CTNNA3: variants seen among roughly 807,000 people sequenced by gnomAD.
CTNNA3 encodes catenin alpha 3, also known as catenin alpha-3.
In CTNNA3, 76 loss-of-function variants were observed where a neutral mutation model predicts 95.7. The ratio of observed to expected loss-of-function variants is 0.79; its 90% confidence interval spans 0.66 to 0.96. The LOEUF (loss-of-function observed/expected upper bound fraction) is 0.96. Among genes scored for constraint, CTNNA3 ranks in the 40% least tolerant of loss-of-function variants. The pLI is 0.00. For missense variants in CTNNA3, 1,191 were observed against 1,089.8 expected (o/e 1.09, Z -1.31); for synonymous variants, 431 against 374.4 (o/e 1.15, Z -1.74).
At chr10:66,277,416 A>G (rs1189229478) in intron 13 of CTNNA3, among the ~76,000 whole-genome samples, 1 of 152,122 alleles carries the variant, frequency 6.6e-6, no homozygotes, top group African/African-American at 2.4e-5. Flanking sequence ...CACTTTTTAG[A>G]TACCTTGAAG....
At chr10:66,903,355 C>T (rs1564754497) in intron 7 of CTNNA3, among the ~76,000 whole-genome samples, 1 of 152,106 alleles carries the variant, frequency 6.6e-6, no homozygotes, top group Non-Finnish European at 1.5e-5. Flanking sequence ...TCTCAATAAA[C>T]TAGGTATTGA....
chr10:66,870,456 C>T (rs968661787), intron 7 of CTNNA3, among the ~76,000 whole-genome samples: 1 of 152,098 alleles, frequency 6.6e-6, no homozygotes, highest in Non-Finnish European at 1.5e-5. Flanking sequence ...ATGAGAAAAA[C>T]AAATAAAGGC....
chr10:66,978,385 G>A (rs1850186841), intron 7 of CTNNA3, among the ~76,000 whole-genome samples: 1 of 151,266 alleles, frequency 6.6e-6, no homozygotes, highest in African/African-American at 2.4e-5. Flanking sequence ...AAACTAGCTG[G>A]GCGTGGTGGT....
intron 11 of CTNNA3, among the ~76,000 whole-genome samples, chr10:66,388,833 C>A (rs74141470): frequency 3.3e-5 from 5 of 152,030 alleles, no homozygotes; most frequent in Non-Finnish European, 7.4e-5. Flanking sequence ...TACTGTGACA[C>A]GTTCCCATTA....
At chr10:67,716,047 A>G (rs1841140919) in intron 1 of CTNNA3, among the ~76,000 whole-genome samples, 1 of 152,186 alleles carries the variant, frequency 6.6e-6, no homozygotes, top group Non-Finnish European at 1.5e-5. Context: ...CTGGATATGA[A>G]CGATCCTTGT....
Position 66,277,646 on chromosome 10 carries a change from C to A in CTNNA3, c.1884+2824G>T, listed in dbSNP as rs1260357043. Among the ~76,000 whole-genome samples, 4 of 152,078 alleles carry A rather than the reference C, an allele frequency of 2.6e-5. No homozygotes were observed. The South Asian group carries it at 8.3e-4, about 31-fold the overall frequency. On this transcript the variant is annotated intron_variant, in intron 13 of 17. Coordinates refer to ENST00000433211, the MANE Select transcript of CTNNA3 (RefSeq NM_013266.4). ...CGATTAAGTCCATAAGTTTATGGAT[C>A]ATTTTCCAAGGAATCCCTGTAGAAG...
intron 12 of CTNNA3, among the ~76,000 whole-genome samples, chr10:66,298,819 G>A (rs1424580784): frequency 2.0e-5 from 3 of 152,104 alleles, no homozygotes; most frequent in Non-Finnish European, 4.4e-5. Context: ...ATTCTCTAGT[G>A]TTACATATTG....
At chr10:67,673,436 G>GCT in intron 1 of CTNNA3, among the ~76,000 whole-genome samples, 1 of 151,832 alleles carries the variant, frequency 6.6e-6, no homozygotes, top group Middle Eastern at 3.4e-3. Context: ...CCTGTCTTGT[G>GCT]CCAGTTTTCA....
At chr10:66,250,000 T>A (rs528521468) in intron 13 of CTNNA3, among the ~76,000 whole-genome samples, 2 of 152,296 alleles carry the variant, frequency 1.3e-5, no homozygotes, top group Admixed American at 1.3e-4. Context: ...AACTTCAGTG[T>A]CCATCATCAA....
At chr10:66,925,877 C>T (rs908819051) in intron 7 of CTNNA3, 2 of 350,962 alleles carry the variant, frequency 5.7e-6, no homozygotes, top group South Asian at 4.2e-5. Context: ...ATCACGGTGA[C>T]CATTCAGTTC....
intron 5 of CTNNA3, among the ~76,000 whole-genome samples, chr10:67,295,921 T>C (rs1840012812): frequency 6.6e-6 from 1 of 152,192 alleles, no homozygotes; most frequent in Non-Finnish European, 1.5e-5. Context: ...TAATGTACCA[T>C]ACACATGCAG....
In CTNNA3 at chr10:67,388,944, C is replaced by T. The variant is rs753996969; in HGVS notation, c.579+132898G>A. Among the ~76,000 whole-genome samples the T allele has an allele frequency of 6.6e-5, 10 of 152,178 alleles. No individual in the cohort carries two copies. The East Asian group carries it at 9.6e-4, about 15-fold the overall frequency. On this transcript the variant is annotated intron_variant, in intron 5 of 17. Coordinates refer to ENST00000433211, the MANE Select transcript of CTNNA3 (RefSeq NM_013266.4). ...ATGGAAAGGAACAACCAGTACCAGC[C>T]GCTGCAAAATCATGCCAAAATGTAA...
intron 7 of CTNNA3, among the ~76,000 whole-genome samples, chr10:66,794,922 T>C (rs566695701): frequency 6.0e-4 from 91 of 152,146 alleles, no homozygotes; most frequent in Non-Finnish European, 1.1e-3. Context: ...CAACTCCTCA[T>C]CTGTCAAAGT....
chr10:66,281,580 T>G (rs1474013801), intron 12 of CTNNA3, among the ~76,000 whole-genome samples: 1 of 151,902 alleles, frequency 6.6e-6, no homozygotes, highest in African/African-American at 2.4e-5. Context: ...TACTATATCA[T>G]AGTGAGGAAG....
Position 66,630,408 on chromosome 10 carries a change from TG to T in CTNNA3, c.1282-8625del, listed in dbSNP as rs1417744150. Among the ~76,000 whole-genome samples, 3 of 152,274 alleles carry T rather than the reference TG, an allele frequency of 2.0e-5. No individual in the cohort carries two copies. In the East Asian group the frequency reaches 5.8e-4, roughly 29 times the overall value. On this transcript the variant is annotated intron_variant, in intron 9 of 17. Coordinates refer to ENST00000433211, the MANE Select transcript of CTNNA3 (RefSeq NM_013266.4). ...TCTGGCCATCATCCTTAACAAGGCT[TG>T]GGGGGCAGCTTCTTTCAAGTTTTAC...
In CTNNA3 at chr10:67,389,345, C is replaced by T. The variant is rs1438200965; in HGVS notation, c.579+132497G>A. 8.9e-4 allele frequency among the ~76,000 whole-genome samples: 134 copies of T among 150,318 alleles called. 1 individual carries two copies. In the East Asian group the frequency reaches 0.025, roughly 28 times the overall value. On this transcript the variant is annotated intron_variant, in intron 5 of 17. Transcript: ENST00000433211. The stretch of plus-strand genomic sequence containing the variant: ...TTACATAATGGTAAAGGGATCAATT[C>T]AACAAGAAGAGCTAACTATCCTAAA...
chr10:67,572,705 T>G (rs1842017275), intron 3 of CTNNA3, among the ~76,000 whole-genome samples: 1 of 152,212 alleles, frequency 6.6e-6, no homozygotes, highest in South Asian at 2.1e-4. Flanking sequence ...TGCTTGTTTC[T>G]GAGTTACCTA....
At chr10:66,029,140 T>G (rs1169285375) in intron 15 of CTNNA3, among the ~76,000 whole-genome samples, 1 of 152,192 alleles carries the variant, frequency 6.6e-6, no homozygotes, top group African/African-American at 2.4e-5. Flanking sequence ...GAAGGACACA[T>G]CACAATTTTC....
chr10:66,019,726 CA>C (rs151166915), intron 15 of CTNNA3, among the ~76,000 whole-genome samples: 8 of 151,470 alleles, frequency 5.3e-5, no homozygotes, highest in South Asian at 2.1e-4. Context: ...AAGAAATGGG[CA>C]AAAAAAATAG....
Sources: gnomAD v4.1 joint callset for allele counts (sites outside exome capture counted in the v4.1 genomes callset) on GRCh38, gnomAD v4.1.1 for gene constraint, MANE v1.5 for transcripts, NCBI Gene and HGNC (gene_info 2026-07-23, HGNC 2026-07-21) for gene names.